Variants in MAGI2 observed in about 807,000 individuals in gnomAD.
MAGI2 encodes the protein membrane-associated guanylate kinase, WW and PDZ domain-containing protein 2.
A neutral mutation model predicts 133.3 loss-of-function variants in MAGI2; 35 were observed. That is an observed-to-expected ratio of 0.26 (90% confidence interval 0.20 to 0.35). The LOEUF (loss-of-function observed/expected upper bound fraction) is 0.35, where lower values mean the gene tolerates loss of function less well. Among genes scored for constraint, MAGI2 ranks in the 10% least tolerant of loss-of-function variants. MAGI2 has a pLI of 1.00. For missense variants in MAGI2, 1,636 were observed against 1,863.4 expected (o/e 0.88, Z 2.25); for synonymous variants, 729 against 710.6 (o/e 1.03, Z -0.41).
intron 16 of MAGI2, among the ~76,000 whole-genome samples, chr7:78,144,411 T>C (rs1028795336): frequency 1.2e-4 from 18 of 152,276 alleles, no homozygotes; most frequent in Non-Finnish European, 2.5e-4. Context: ...GCTCTCCTTA[T>C]CCCAAAGTAG....
intron 1 of MAGI2, among the ~76,000 whole-genome samples, chr7:79,420,446 A>G (rs1312446772): frequency 6.6e-6 from 1 of 151,900 alleles, no homozygotes; most frequent in African/African-American, 2.4e-5. Flanking sequence ...CTTCCTAACC[A>G]TACTAATTCT....
At chr7:78,244,655 T>C (rs1427647608) in intron 10 of MAGI2, among the ~76,000 whole-genome samples, 1 of 152,122 alleles carries the variant, frequency 6.6e-6, no homozygotes, top group Non-Finnish European at 1.5e-5. Flanking sequence ...TCATTTAAAG[T>C]TGATGCAAAA....
At chr7:78,655,464 A>AAAAAAAAAAAAAC (rs1563305031) in intron 2 of MAGI2, among the ~76,000 whole-genome samples, 2 of 147,148 alleles carry the variant, frequency 1.4e-5, no homozygotes, top group South Asian at 2.2e-4. Context: ...CAAAAAAAAA[A>AAAAAAAAAAAAAC]AAAAAAAAAA....
At chr7:79,310,966 A>C (rs866728939) in intron 1 of MAGI2, among the ~76,000 whole-genome samples, 1 of 137,058 alleles carries the variant, frequency 7.3e-6, no homozygotes, top group African/African-American at 2.6e-5. Flanking sequence ...ACACACACAC[A>C]CCCCTCTCCA....
intron 2 of MAGI2, among the ~76,000 whole-genome samples, chr7:79,005,931 A>G (rs1454904943): frequency 6.6e-6 from 1 of 152,140 alleles, no homozygotes; most frequent in Non-Finnish European, 1.5e-5. Flanking sequence ...CAAAATGCCA[A>G]TCATCAAGTA....
At chr7:79,324,495 C>T (rs1839462122) in intron 1 of MAGI2, among the ~76,000 whole-genome samples, 1 of 85,168 alleles carries the variant, frequency 1.2e-5, no homozygotes, top group Non-Finnish European at 2.2e-5. Context: ...CATATATATA[C>T]ATATATACAC....
At chr7:79,389,821 A>T (rs1314304007) in intron 1 of MAGI2, among the ~76,000 whole-genome samples, 1 of 152,048 alleles carries the variant, frequency 6.6e-6, no homozygotes, top group East Asian at 1.9e-4. Flanking sequence ...GGCTGGGACC[A>T]GTTTGGGTTT....
At chr7:78,294,481 T>A (rs186498326) in intron 9 of MAGI2, among the ~76,000 whole-genome samples, 1 of 152,300 alleles carries the variant, frequency 6.6e-6, no homozygotes, top group Non-Finnish European at 1.5e-5. Context: ...TGTTTCTTTT[T>A]CATTTTTGTA....
intron 1 of MAGI2, among the ~76,000 whole-genome samples, chr7:79,356,385 T>C (rs997852023): frequency 1.3e-5 from 2 of 152,192 alleles, no homozygotes; most frequent in Admixed American, 6.5e-5. Flanking sequence ...GACATGCATC[T>C]ATATTCAGTA....
chr7:78,443,086 G>A (rs1787782837), intron 6 of MAGI2, among the ~76,000 whole-genome samples: 1 of 114,638 alleles, frequency 8.7e-6, no homozygotes, highest in African/African-American at 3.2e-5. Flanking sequence ...GGCCCTGTGC[G>A]TCCCTTCTTG....
intron 21 of MAGI2, among the ~76,000 whole-genome samples, chr7:78,054,279 C>A (rs1225884057): frequency 6.6e-6 from 1 of 152,112 alleles, no homozygotes; most frequent in African/African-American, 2.4e-5. Flanking sequence ...GTGTGCATCA[C>A]CACGCCTGGC....
intron 15 of MAGI2, among the ~76,000 whole-genome samples, chr7:78,163,996 G>A (rs960818289): frequency 1.3e-5 from 2 of 152,180 alleles, no homozygotes; most frequent in East Asian, 3.9e-4. Flanking sequence ...GACACATTTG[G>A]CACCAGTTGG....
chr7:78,174,636 A>T (rs182828251), intron 14 of MAGI2, among the ~76,000 whole-genome samples: 1 of 152,180 alleles, frequency 6.6e-6, no homozygotes, highest in East Asian at 1.9e-4. Context: ...TGTCTTTGTC[A>T]TTCATGGTGA....
At chr7:78,874,200 T>C (rs754474614) in intron 2 of MAGI2, among the ~76,000 whole-genome samples, 1 of 152,070 alleles carries the variant, frequency 6.6e-6, no homozygotes, top group Non-Finnish European at 1.5e-5. Context: ...AGAAACAACT[T>C]GAGTAAATTA....
chr7:79,005,448 G>T lies in MAGI2; in HGVS notation c.418+1642C>A, dbSNP rs189726240. ...TTACCCTTATATTTACTTTTCCTTC[G>T]TAGTCTTCTTTGGTACTCTAAAAGG... On this transcript the variant is annotated intron_variant, in intron 2 of 21. Transcript: ENST00000354212. 7.2e-5 allele frequency among the ~76,000 whole-genome samples: 11 copies of T among 151,898 alleles called. No homozygotes were observed. The East Asian group carries it at 2.1e-3, about 29-fold the overall frequency.
chr7:79,292,140 T>G (rs1421042329), intron 1 of MAGI2, among the ~76,000 whole-genome samples: 1 of 152,198 alleles, frequency 6.6e-6, no homozygotes, highest in East Asian at 1.9e-4. Context: ...TCCAGTTATT[T>G]CAGTACCATT....
chr7:79,442,300 G>A (rs1328986551), intron 1 of MAGI2, among the ~76,000 whole-genome samples: 2 of 151,996 alleles, frequency 1.3e-5, no homozygotes, highest in African/African-American at 4.8e-5. Flanking sequence ...AAAATTGATG[G>A]GTGACTATGC....
chr7:79,042,804 G>T (rs1254095936), intron 1 of MAGI2, among the ~76,000 whole-genome samples: 2 of 151,916 alleles, frequency 1.3e-5, no homozygotes, highest in African/African-American at 4.8e-5. Flanking sequence ...CCTGCATATG[G>T]CATATACTCT....
At chr7:78,089,949 T>C (rs963615164) in intron 20 of MAGI2, among the ~76,000 whole-genome samples, 4 of 152,224 alleles carry the variant, frequency 2.6e-5, no homozygotes, top group African/African-American at 9.6e-5. Context: ...TTTAGGACCT[T>C]GTCCCTGTGA....
Sources: allele counts gnomAD v4.1 joint callset (sites outside exome capture counted in the v4.1 genomes callset), GRCh38; gene constraint gnomAD v4.1.1; transcripts MANE v1.5; gene names NCBI Gene and HGNC (gene_info 2026-07-23, HGNC 2026-07-21).